CNTLN: variants seen among roughly 807,000 people sequenced by gnomAD.
The protein encoded by CNTLN is centlein, centrosomal protein.
Under a neutral mutation model 180.0 loss-of-function variants are expected in CNTLN, and 212 were observed. The observed-to-expected ratio is 1.18, with a 90% CI of 1.05 to 1.32. The LOEUF is 1.32. Among genes scored for constraint, CNTLN ranks in the 40% most tolerant of loss-of-function variants. CNTLN has a pLI of 0.00. For missense variants in CNTLN, 2,095 were observed against 1,610.9 expected (o/e 1.30, Z -5.14); for synonymous variants, 722 against 563.1 (o/e 1.28, Z -3.99).
Position 17,366,703 on chromosome 9 carries a change from C to T in CNTLN, c.1973C>T (p.Ala658Val), listed in dbSNP as rs1823853504. ...AAIQELNRCV[A>V]ERREEQLFRS... ...ATACAAGAATTGAATAGATGTGTGGCAGAGAGAAGAGAAGGTAAATTTTCA... is the reference window on the plus strand; with the variant it reads ...ATACAAGAATTGAATAGATGTGTGGTAGAGAGAAGAGAAGGTAAATTTTCA... Residue 658 changes from alanine (A) to valine (V), a missense_variant, in exon 13 of 26, where the codon GCA (alanine) becomes GTA (valine). Physicochemically the swap from Ala to Val is moderately conservative, Grantham distance 64. Transcript: ENST00000380647. 6.4e-7 allele frequency: 1 copy of T among 1,563,830 alleles called. No homozygotes were observed. The highest frequency in any genetic ancestry group is 2.3e-5 in the East Asian group (1 of 43,252).
At position 17,365,579 on chromosome 9, in the gene CNTLN, G is replaced by C. The variant is rs112493325; in HGVS notation, c.1887-1038G>C. On this transcript the variant is annotated intron_variant, in intron 12 of 25. Coordinates refer to ENST00000380647, the MANE Select transcript of CNTLN (RefSeq NM_017738.4). ...TGGAAAGTCTTTTTGCCTTTATTTG[G>C]CATCTAGGAATTTACCATTCTTGTT... 6.6e-5 allele frequency among the ~76,000 whole-genome samples: 10 copies of C among 152,100 alleles called. 1 individual carries two copies. Among genetic ancestry groups the C allele is most frequent in the African/African-American group, 2.4e-4 (10 of 41,426 alleles).
intron 2 of CNTLN, among the ~76,000 whole-genome samples, chr9:17,208,398 C>A (rs1050805416): frequency 6.6e-6 from 1 of 152,120 alleles, no homozygotes; most frequent in African/African-American, 2.4e-5. Flanking sequence ...ATTTTTGCAT[C>A]AATGTTCATC....
rs141977397 is a variant in CNTLN, at chr9:17,353,980, G to A, written c.1886+11536G>A. On this transcript the variant is annotated intron_variant, in intron 12 of 25. Transcript: ENST00000380647. ...CCCGGGCTGTGTGCGGTGCTTGTTG[G>A]CCAGCTGGAGTTTCGGGTGGGCGTG... is the stretch of plus-strand genomic sequence containing the variant. Among the ~76,000 whole-genome samples, 991 of 152,304 alleles carry A rather than the reference G, an allele frequency of 6.5e-3. 5 individuals are homozygous for A. The highest frequency in any genetic ancestry group is 0.02 in the Middle Eastern group (6 of 294).
intron 7 of CNTLN, chr9:17,299,067 C>CAA (rs1286280229): frequency 2.7e-6 from 1 of 375,772 alleles, no homozygotes; most frequent in African/African-American, 2.2e-5. Flanking sequence ...CATGATGAAA[C>CAA]CCTGTTTCTA....
intron 16 of CNTLN, 58 bp from the exon 17 acceptor site, chr9:17,415,730 G>A (rs1051416130): frequency 9.5e-7 from 1 of 1,050,942 alleles, no homozygotes. Context: ...ATTTATATCA[G>A]TTCACTTGAT....
intron 25 of CNTLN, among the ~76,000 whole-genome samples, chr9:17,490,612 A>C (rs1833112399): frequency 6.6e-6 from 1 of 151,966 alleles, no homozygotes; most frequent in Non-Finnish European, 1.5e-5. Context: ...TACGGATAGA[A>C]TTTCTCTGAG....
At chr9:17,200,468 G>A (rs1439548948) in intron 2 of CNTLN, among the ~76,000 whole-genome samples, 1 of 152,166 alleles carries the variant, frequency 6.6e-6, no homozygotes, top group Non-Finnish European at 1.5e-5. Flanking sequence ...CTATCCATGA[G>A]CATGGAATTT....
At chr9:17,263,061 C>A (rs574540718) in intron 5 of CNTLN, among the ~76,000 whole-genome samples, 15 of 150,868 alleles carry the variant, frequency 9.9e-5, no homozygotes, top group African/African-American at 3.0e-4. Flanking sequence ...TATTATTATA[C>A]TTTAAGTTTT....
intron 2 of CNTLN, among the ~76,000 whole-genome samples, chr9:17,160,946 A>C (rs1010616676): frequency 4.6e-5 from 7 of 152,158 alleles, no homozygotes; most frequent in Non-Finnish European, 1.5e-5. Context: ...AAGTTAGAGA[A>C]AGAGATAGCT....
rs141064795 is a variant in CNTLN, at chr9:17,253,086, G to T, written c.849+16498G>T. On this transcript the variant is annotated intron_variant, in intron 5 of 25. Coordinates refer to ENST00000380647, the MANE Select transcript of CNTLN (RefSeq NM_017738.4). ...TTGAAGATCAGTCAGCTATGAATTG[G>T]TGGATTTACTTCTGGGTTCTATATT... is the stretch of plus-strand genomic sequence containing the variant. Among the ~76,000 whole-genome samples, 121 of 151,710 alleles carry T rather than the reference G, an allele frequency of 8.0e-4. 1 individual carries two copies. The highest frequency in any genetic ancestry group is 3.4e-3 in the Middle Eastern group (1 of 294).
chr9:17,422,618 G>A (rs1233096637), intron 18 of CNTLN, among the ~76,000 whole-genome samples: 1 of 152,000 alleles, frequency 6.6e-6, no homozygotes, highest in Admixed American at 6.5e-5. Context: ...TTTTTTCTCT[G>A]TGTTTTCTTG....
At chr9:17,370,019 T>C (rs1044503971) in intron 13 of CNTLN, among the ~76,000 whole-genome samples, 9 of 139,842 alleles carry the variant, frequency 6.4e-5, no homozygotes, top group African/African-American at 2.4e-4. Flanking sequence ...ACAGAGGAGA[T>C]AAAAGAATAA....
At chr9:17,293,417 A>G (rs1587533376) in intron 6 of CNTLN, among the ~76,000 whole-genome samples, 1 of 152,156 alleles carries the variant, frequency 6.6e-6, no homozygotes, top group African/African-American at 2.4e-5. Flanking sequence ...TGCCTCTCCC[A>G]CTAGAGGCTC....
chr9:17,181,356 T>C (rs1381822073), intron 2 of CNTLN, among the ~76,000 whole-genome samples: 1 of 152,224 alleles, frequency 6.6e-6, no homozygotes, highest in African/African-American at 2.4e-5. Flanking sequence ...GGCATAAAAT[T>C]TGTATTTGTT....
intron 12 of CNTLN, among the ~76,000 whole-genome samples, chr9:17,347,937 TTCTTC>T (rs1425979702): frequency 6.6e-6 from 1 of 152,052 alleles, no homozygotes; most frequent in Non-Finnish European, 1.5e-5. Context: ...GTTCAAGGTA[TTCTTC>T]TGCCTCAGCC....
intron 2 of CNTLN, among the ~76,000 whole-genome samples, chr9:17,161,167 G>GAAATCA (rs1485636993): frequency 3.9e-5 from 6 of 151,948 alleles, no homozygotes; most frequent in Admixed American, 3.9e-4. Context: ...TTCCTTAGTA[G>GAAATCA]AATAATATCA....
the CNTLN span, among the ~76,000 whole-genome samples, chr9:17,510,937 A>G: frequency 6.6e-6 from 1 of 152,236 alleles, no homozygotes; most frequent in Non-Finnish European, 1.5e-5. Flanking sequence ...GTTTAAATTT[A>G]TAAGAAACTG....
chr9:17,472,197 C>T (rs1832074761), intron 23 of CNTLN, among the ~76,000 whole-genome samples: 1 of 152,016 alleles, frequency 6.6e-6, no homozygotes, highest in African/African-American at 2.4e-5. Flanking sequence ...CATTTAGGTA[C>T]CTCTTTAATG....
At chr9:17,507,313 C>G (rs1833949972), downstream of CNTLN, among the ~76,000 whole-genome samples, 1 of 152,088 alleles carries the variant, frequency 6.6e-6, no homozygotes, top group South Asian at 2.1e-4. Flanking sequence ...GTTGCACAGG[C>G]TATGCTTTTG....
Sources: gnomAD v4.1 joint callset for allele counts (sites outside exome capture counted in the v4.1 genomes callset) on GRCh38, gnomAD v4.1.1 for gene constraint, MANE v1.5 for transcripts, NCBI Gene and HGNC (gene_info 2026-07-23, HGNC 2026-07-21) for gene names.